Variants in DDX5 observed in about 807,000 individuals in gnomAD.
DDX5 encodes the protein DEAD-box helicase 5, also known as probable ATP-dependent RNA helicase DDX5.
A neutral mutation model predicts 68.6 loss-of-function variants in DDX5; 6 were observed. The observed-to-expected ratio is 0.09, with a 90% confidence interval of 0.05 to 0.17. The LOEUF is 0.17. Among genes scored for constraint, DDX5 ranks in the 10% least tolerant of loss-of-function variants. The probability of loss-of-function intolerance (pLI) is 1.00; values close to 1 mark genes in which losing one functional copy is unlikely to be tolerated. For missense variants in DDX5, 499 were observed against 756.1 expected, an observed-to-expected ratio of 0.66 and a Z score of 3.99; for synonymous variants, 350 against 247.0, an observed-to-expected ratio of 1.42 and a Z score of -3.91.
chr17:64,506,018 T>TGTG, intron 1 of DDX5, 58 bp downstream of exon 1: 2 of 1,309,518 alleles, frequency 1.5e-6, no homozygotes, highest in Non-Finnish European at 2.1e-6. Flanking sequence ...GCCGCCACCC[T>TGTG]GACCCGCCCT....
intron 1 of DDX5, chr17:64,505,713 G>A (rs1252349052): frequency 1.8e-5 from 28 of 1,533,852 alleles, no homozygotes; most frequent in Non-Finnish European, 2.3e-5. Flanking sequence ...AGAATGCCCG[G>A]CCACCCCAAA....
rs1555670445 is a variant in DDX5, at chr17:64,499,276, G to C, written c.*647C>G. Among the ~76,000 whole-genome samples the C allele has an allele frequency of 6.6e-6, 1 of 152,036 alleles. No homozygotes were observed. The highest frequency in any genetic ancestry group is 2.4e-5 in the African/African-American group (1 of 41,390). On this transcript the variant is annotated 3_prime_UTR_variant, in exon 13 of 13. Coordinates refer to ENST00000225792, the MANE Select transcript of DDX5 (RefSeq NM_004396.5). ...GTCACCCACGTTCTCACACTATATA[G>C]ATGACTTTGTATCTATTTTACTATT...
Position 64,503,530 on chromosome 17 carries a change from C to G in DDX5, c.549G>C (p.Val183=), listed in dbSNP as rs782072397. Residue 183 remains valine (V), a synonymous_variant, in exon 6 of 13, where the codon GTG becomes GTC. Coordinates refer to ENST00000225792, the MANE Select transcript of DDX5 (RefSeq NM_004396.5). The part of the protein sequence containing the change: ...LAPTRELAQQ[V]QQVAAEYCRA... ...TACAATATTCAGCAGCTACTTGCTG[C>G]ACCTGTTGGGCCAGTTCCCGAGTTG... The G allele has an allele frequency of 1.9e-6, 3 of 1,614,132 alleles. No individual in the cohort carries two copies. Among genetic ancestry groups the G allele is most frequent in the East Asian group, 2.2e-5 (1 of 44,900 alleles).
chr17:64,500,833 C>A, intron 11 of DDX5, 60 bp from the exon 12 acceptor site: 1 of 1,231,098 alleles, frequency 8.1e-7, no homozygotes, highest in Non-Finnish European at 1.2e-6. Flanking sequence ...ACCACAACAG[C>A]CAGACCAAAA....
At chr17:64,502,304 T>C in intron 9 of DDX5, 81 bp from the exon 10 acceptor site, 1 of 1,515,962 alleles carries the variant, frequency 6.6e-7, no homozygotes, top group Admixed American at 1.8e-5. Flanking sequence ...TGGTCACAGA[T>C]CTCTTTAATT....
At chr17:64,502,893 G>A in intron 8 of DDX5, 33 bp downstream of exon 8, 1 of 1,531,556 alleles carries the variant, frequency 6.5e-7, no homozygotes, top group Non-Finnish European at 8.8e-7. Flanking sequence ...AAAGTTGTTA[G>A]GAAGCAAATA....
rs782371446 is a variant in DDX5 at position 64,503,974 on chromosome 17, C to T, written c.441+9G>A. On this transcript the variant is annotated intron_variant, in intron 4 of 12. Coordinates refer to ENST00000225792, the MANE Select transcript of DDX5 (RefSeq NM_004396.5). ...TATCAGATCAACTCAAGAGTTCTCC[C>T]AAACTTACAGACAATGTTTTCCCAG... The T allele has an allele frequency of 6.8e-6, 11 of 1,614,082 alleles. No individual in the cohort carries two copies. In the Admixed American group the frequency reaches 1.0e-4, roughly 15 times the overall value.
At chr17:64,501,873 C>G in intron 11 of DDX5, 137 bp downstream of exon 11, 1 of 840,744 alleles carries the variant, frequency 1.2e-6, no homozygotes, top group Non-Finnish European at 1.9e-6. Flanking sequence ...ATGCCTAGGC[C>G]TTGCCACAAA....
chr17:64,503,785 T>C lies in DDX5; in HGVS notation c.507+18A>G. On this transcript the variant is annotated intron_variant, in intron 5 of 12. Coordinates refer to ENST00000225792, the MANE Select transcript of DDX5 (RefSeq NM_004396.5). ...TACACATTATGCTTCTAATAAAAAG[T>C]TAAAAATATATACTTACAATAGGCC... is the stretch of plus-strand genomic sequence containing the variant. The C allele has an allele frequency of 6.2e-7, 1 of 1,606,262 alleles. No homozygotes were observed. Among genetic ancestry groups the C allele is most frequent in the South Asian group, 1.1e-5 (1 of 89,466 alleles).
chr17:64,505,712 G>A lies in DDX5; in HGVS notation c.44+364C>T, dbSNP rs1483903186. 1.4e-5 allele frequency: 22 copies of A among 1,533,844 alleles called. No homozygotes were observed. In the East Asian group the frequency reaches 2.7e-4, roughly 19 times the overall value. ...GTCCCCTCGCTCCCACAGAATGCCC[G>A]GCCACCCCAAAAACACCTCCCGAAA... On this transcript the variant is annotated intron_variant, in intron 1 of 12. Coordinates refer to ENST00000225792, the MANE Select transcript of DDX5 (RefSeq NM_004396.5).
rs531867830 is a variant in DDX5, at chr17:64,503,125, G to A, written c.811-27C>T. 59 of 1,611,474 alleles carry A rather than the reference G, an allele frequency of 3.7e-5. No individual in the cohort carries two copies. The South Asian group carries it at 6.3e-4, about 17-fold the overall frequency. ...TAATGGATTTTGGGGGGAAAAATTA[G>A]TATCAGACTCTTAAGAGTGAAAACA... On this transcript the variant is annotated intron_variant, in intron 7 of 12. Coordinates refer to ENST00000225792, the MANE Select transcript of DDX5 (RefSeq NM_004396.5).
In DDX5 at chr17:64,506,200, G is replaced by A. The variant is rs1555672606; in HGVS notation, c.-81C>T. 2 of 1,568,986 alleles carry A rather than the reference G, an allele frequency of 1.3e-6. No homozygotes were observed. On this transcript the variant is annotated 5_prime_UTR_variant, in exon 1 of 13. Transcript: ENST00000225792. Reference sequence around the variant, plus strand: ...GTCGCTGGAAATGGCCTCGATGACGGCGAAGCCTTGCGGGGGCGGCAGCGG... The same window carrying A: ...GTCGCTGGAAATGGCCTCGATGACGACGAAGCCTTGCGGGGGCGGCAGCGG...
At chr17:64,503,631 T>C in intron 5 of DDX5, 60 bp from the exon 6 acceptor site, 1 of 1,595,640 alleles carries the variant, frequency 6.3e-7, no homozygotes, top group Non-Finnish European at 8.5e-7. Context: ...ACTGCTAACT[T>C]ATTATACTAG....
At chr17:64,503,739 TTAGC>T in intron 5 of DDX5, 60 bp downstream of exon 5, 1 of 1,559,358 alleles carries the variant, frequency 6.4e-7, no homozygotes, top group Non-Finnish European at 8.8e-7. Flanking sequence ...GATTACATCT[TTAGC>T]TATGTAGTCT....
In DDX5 at chr17:64,500,081, G is replaced by A. The variant is rs2144246881; in HGVS notation, c.1687C>T (p.Pro563Ser). 1 of 1,614,162 alleles carries A rather than the reference G, an allele frequency of 6.2e-7. No individual in the cohort carries two copies. The highest frequency in any genetic ancestry group is 8.5e-7 in the Non-Finnish European group (1 of 1,180,030). ...GIQTSFRTGNPTGTYQNGYDS... is the reference protein window; with the variant it reads ...GIQTSFRTGNSTGTYQNGYDS... Reference sequence around the variant, plus strand: ...TAACCATTCTGGTAAGTCCCTGTTGGATTACCAGTCCTAAAACTGGTCTGT... The same window carrying A: ...TAACCATTCTGGTAAGTCCCTGTTGAATTACCAGTCCTAAAACTGGTCTGT... The change falls in exon 13 of 13, where the codon CCA becomes TCA. Residue 563 changes from proline (P) to serine (S), a missense_variant. Coordinates refer to ENST00000225792, the MANE Select transcript of DDX5 (RefSeq NM_004396.5).
Position 64,498,657 on chromosome 17 carries a change from A to T in DDX5, c.*1266T>A, listed in dbSNP as rs1244037568. ...ACATCAATTAAAGCCTCAGTTTAAT[A>T]ATCAGAATTTAAATGAAGTCTCCTG... On this transcript the variant is annotated 3_prime_UTR_variant, in exon 13 of 13. Transcript: ENST00000225792. Among the ~76,000 whole-genome samples the T allele has an allele frequency of 6.6e-6, 1 of 152,198 alleles. No homozygotes were observed. Among genetic ancestry groups the T allele is most frequent in the Non-Finnish European group, 1.5e-5 (1 of 68,038 alleles).
At chr17:64,504,343 T>G (rs2038371865) in intron 2 of DDX5, 25 bp from the exon 3 acceptor site, 6 of 1,591,644 alleles carry the variant, frequency 3.8e-6, no homozygotes, top group Non-Finnish European at 5.2e-6. Flanking sequence ...ATAACAGTCT[T>G]AAAATTCATG....
chr17:64,506,216 G>C lies in DDX5; in HGVS notation c.-97C>G, dbSNP rs960255105. On this transcript the variant is annotated 5_prime_UTR_variant, in exon 1 of 13. Transcript: ENST00000225792. Reference sequence around the variant, plus strand: ...TCGATGACGGCGAAGCCTTGCGGGGGCGGCAGCGGAGGAAGGACACCGATG... The same window carrying C: ...TCGATGACGGCGAAGCCTTGCGGGGCCGGCAGCGGAGGAAGGACACCGATG... The C allele has an allele frequency of 1.5e-5, 24 of 1,560,070 alleles. No individual in the cohort carries two copies. Among genetic ancestry groups the C allele is most frequent in the Non-Finnish European group, 2.0e-5 (23 of 1,152,218 alleles).
intron 1 of DDX5, 56 bp downstream of exon 1, chr17:64,506,020 A>ACCCCCCCCCCCCCCCCCC: frequency 2.3e-6 from 2 of 868,084 alleles, no homozygotes; most frequent in Admixed American, 2.3e-5. Context: ...CGCCACCCTG[A>ACCCCCCCCCCCCCCCCCC]CCCGCCCTCC....
Sources: allele counts gnomAD v4.1 joint callset (sites outside exome capture counted in the v4.1 genomes callset), GRCh38; gene constraint gnomAD v4.1.1; transcripts MANE v1.5; gene names NCBI Gene and HGNC (gene_info 2026-07-23, HGNC 2026-07-21).